CX3CR1: variants seen among roughly 807,000 people sequenced by gnomAD.
CX3CR1 encodes C-X3-C motif chemokine receptor 1, also known as CX3C chemokine receptor 1.
For missense variants in CX3CR1, 363 were observed against 432.4 expected (o/e 0.84, Z 1.42); for synonymous variants, 168 against 178.5 (o/e 0.94, Z 0.47).
rs2125550056 is a variant in CX3CR1, at chr3:39,266,523, A to T, written c.-9-5T>A. On this transcript the variant is annotated splice_region_variant and splice_polypyrimidine_tract_variant and intron_variant, in intron 1 of 1. Coordinates refer to ENST00000399220, the MANE Select transcript of CX3CR1 (RefSeq NM_001337.4). ...GAACTGATCCATGGTGAAGGCCTGG[A>T]TCAGAAAGAAAAACAAGTAACTGTG... The T allele has an allele frequency of 6.2e-7, 1 of 1,613,498 alleles. No individual in the cohort carries two copies. Among genetic ancestry groups the T allele is most frequent in the Non-Finnish European group, 8.5e-7 (1 of 1,179,384 alleles).
At chr3:39,283,797 ATATATATATATATAT>A (rs2040925801), upstream of CX3CR1, among the ~76,000 whole-genome samples, 1 of 23,730 alleles carries the variant, frequency 4.2e-5, no homozygotes, top group South Asian at 9.7e-4. Flanking sequence ...AAAAAAAATT[ATATATATATATATAT>A]ATATATATAT....
chr3:39,292,782 T>C, the CX3CR1 span, among the ~76,000 whole-genome samples: 1 of 152,174 alleles, frequency 6.6e-6, no homozygotes, highest in African/African-American at 2.4e-5. Context: ...GAACCTGAAT[T>C]CTTACTTACC....
At chr3:39,283,843 T>TATATATACATG (rs1351970787), upstream of CX3CR1, among the ~76,000 whole-genome samples, 1 of 74,132 alleles carries the variant, frequency 1.3e-5, no homozygotes, top group African/African-American at 4.6e-5. Flanking sequence ...ATATATATAA[T>TATATATACATG]GTGGTTAATA....
At chr3:39,271,686 G>A (rs934792438) in intron 1 of CX3CR1, among the ~76,000 whole-genome samples, 2 of 152,216 alleles carry the variant, frequency 1.3e-5, no homozygotes, top group African/African-American at 4.8e-5. Flanking sequence ...TCTGTGTGCT[G>A]GAGCTAGTTC....
intron 1 of CX3CR1, among the ~76,000 whole-genome samples, chr3:39,268,368 T>G (rs1288223211): frequency 6.6e-6 from 1 of 152,242 alleles, no homozygotes; most frequent in Non-Finnish European, 1.5e-5. Flanking sequence ...ATAAAATGGC[T>G]GACATACAGC....
At chr3:39,290,317 G>A in the CX3CR1 span, among the ~76,000 whole-genome samples, 4 of 152,264 alleles carry the variant, frequency 2.6e-5, no homozygotes, top group African/African-American at 9.6e-5. Flanking sequence ...TGCTAAAGAA[G>A]CAGCAATCCC....
chr3:39,288,618 C>G, the CX3CR1 span, among the ~76,000 whole-genome samples: 2,595 of 152,338 alleles, frequency 0.017, 66 homozygotes, highest in African/African-American at 0.059. Flanking sequence ...GGCTTCAGAG[C>G]TCCCCTCTGG....
At chr3:39,271,992 A>G (rs1212208626) in intron 1 of CX3CR1, among the ~76,000 whole-genome samples, 2 of 152,144 alleles carry the variant, frequency 1.3e-5, no homozygotes, top group Non-Finnish European at 2.9e-5. Flanking sequence ...CCAGAGGTCT[A>G]ATTGGTTTTC....
upstream of CX3CR1, among the ~76,000 whole-genome samples, chr3:39,284,740 GAA>G (rs992076278): frequency 6.6e-6 from 1 of 152,172 alleles, no homozygotes; most frequent in African/African-American, 2.4e-5. Flanking sequence ...GAAATGGGGA[GAA>G]AAGAGCAATG....
intron 1 of CX3CR1, among the ~76,000 whole-genome samples, chr3:39,276,350 C>T (rs2040841159): frequency 6.6e-6 from 1 of 152,226 alleles, no homozygotes; most frequent in Non-Finnish European, 1.5e-5. Flanking sequence ...CTCTTTGGGG[C>T]TACCTCCCCC....
At chr3:39,269,167 T>C (rs751358228) in intron 1 of CX3CR1, among the ~76,000 whole-genome samples, 24 of 152,096 alleles carry the variant, frequency 1.6e-4, no homozygotes, top group Non-Finnish European at 3.2e-4. Flanking sequence ...AAAAAAAAGT[T>C]CTATATTTAA....
At chr3:39,275,465 G>T (rs769672946) in intron 1 of CX3CR1, among the ~76,000 whole-genome samples, 23 of 152,184 alleles carry the variant, frequency 1.5e-4, no homozygotes, top group Non-Finnish European at 2.2e-4. Context: ...TAATTACCAG[G>T]TAAATTTAGA....
In CX3CR1 at chr3:39,265,074, G is replaced by A. The variant is rs568716871; in HGVS notation, c.*368C>T. ...GTCAGAGAGAGGGAATTCTAGCTTG[G>A]CTCAGGCCCTGGTTTCCCCTCACTT... On this transcript the variant is annotated 3_prime_UTR_variant, in exon 2 of 2. Coordinates refer to ENST00000399220, the MANE Select transcript of CX3CR1 (RefSeq NM_001337.4). 1 of 178,708 alleles carries A rather than the reference G, an allele frequency of 5.6e-6. No individual in the cohort carries two copies. Among genetic ancestry groups the A allele is most frequent in the African/African-American group, 2.4e-5 (1 of 42,330 alleles). The allele number at this position is 178,708 out of a possible 1,614,324, so 11.1% of individuals were successfully genotyped here.
intron 1 of CX3CR1, among the ~76,000 whole-genome samples, chr3:39,267,143 T>C (rs2040710957): frequency 6.7e-6 from 1 of 150,102 alleles, no homozygotes; most frequent in Non-Finnish European, 1.5e-5. Flanking sequence ...CCAAAATCTC[T>C]CCAAAAGCTA....
In CX3CR1 at chr3:39,265,349, T is replaced by A; in HGVS notation, c.*93A>T. On this transcript the variant is annotated 3_prime_UTR_variant, in exon 2 of 2. Transcript: ENST00000399220. ...TGCATTGGGTCCATCATTTTGTGCC[T>A]GTAAGAAATAACAACAAAAATCTTT... 1 of 1,347,786 alleles carries A rather than the reference T, an allele frequency of 7.4e-7. No individual in the cohort carries two copies. Among genetic ancestry groups the A allele is most frequent in the East Asian group, 2.3e-5 (1 of 43,286 alleles). The allele number at this position is 1,347,786 out of a possible 1,614,324, so 83.5% of individuals were successfully genotyped here. A position where few individuals can be genotyped will look rare whatever the true frequency, so the allele number is the denominator to read the frequency against.
chr3:39,265,545 A>C lies in CX3CR1; in HGVS notation c.965T>G (p.Val322Gly), dbSNP rs1252445859. Residue 322 changes from valine (V) to glycine (G), a missense_variant, in exon 2 of 2, where the codon GTT (valine) becomes GGT (glycine). Coordinates refer to ENST00000399220, the MANE Select transcript of CX3CR1 (RefSeq NM_001337.4). ...TTGTGATTCAGATGAGGAGAAATCAACGTGGACTGAGCGCCCACACAGGAC... is the reference window on the plus strand; with the variant it reads ...TTGTGATTCAGATGAGGAGAAATCACCGTGGACTGAGCGCCCACACAGGAC... Reference protein sequence around the residue: ...LAVLCGRSVHVDFSSSESQRS... With the variant: ...LAVLCGRSVHGDFSSSESQRS... The C allele has an allele frequency of 6.2e-7, 1 of 1,614,214 alleles. No individual in the cohort carries two copies.
chr3:39,283,678 G>A (rs2040923449), upstream of CX3CR1, among the ~76,000 whole-genome samples: 2 of 150,638 alleles, frequency 1.3e-5, no homozygotes, highest in Admixed American at 6.6e-5. Context: ...TACTTGGGAG[G>A]CTGAGGCAGG....
upstream of CX3CR1, chr3:39,281,360 A>G: frequency 1.3e-6 from 1 of 794,616 alleles, no homozygotes; most frequent in Non-Finnish European, 1.7e-6. Context: ...GGGTCCACTC[A>G]GCTGGGCTGG....
At chr3:39,280,350 C>T, upstream of CX3CR1, 1 of 985,508 alleles carries the variant, frequency 1.0e-6, no homozygotes. Context: ...TGGGAGAGCT[C>T]ATGGGGCCCT....
Sources: allele counts gnomAD v4.1 joint callset (sites outside exome capture counted in the v4.1 genomes callset), GRCh38; gene constraint gnomAD v4.1.1; transcripts MANE v1.5; gene names NCBI Gene and HGNC (gene_info 2026-07-23, HGNC 2026-07-21).